MAGI2: variants seen among roughly 807,000 people sequenced by gnomAD.
MAGI2 encodes membrane-associated guanylate kinase, WW and PDZ domain-containing protein 2.
Under a neutral mutation model 133.3 loss-of-function variants are expected in MAGI2, and 35 were observed. The observed-to-expected ratio is 0.26, with a 90% CI of 0.20 to 0.35. The LOEUF is 0.35. Ranked by LOEUF, MAGI2 falls within the 10% of genes least tolerant of loss-of-function variation. The pLI, the probability that MAGI2 is intolerant of heterozygous loss-of-function variation, is 1.00. For synonymous variants in MAGI2, 729 were observed against 710.6 expected, an observed-to-expected ratio of 1.03 and a Z score of -0.41; for missense variants, 1,636 against 1,863.4, an observed-to-expected ratio of 0.88 and a Z score of 2.25.
chr7:78,667,345 A>G (rs1813714034), intron 2 of MAGI2, among the ~76,000 whole-genome samples: 1 of 144,740 alleles, frequency 6.9e-6, no homozygotes, highest in Non-Finnish European at 1.5e-5. Flanking sequence ...ATTGTAACCA[A>G]TTGGGTTTTT....
At chr7:79,161,114 A>T (rs1373068917) in intron 1 of MAGI2, among the ~76,000 whole-genome samples, 8 of 152,014 alleles carry the variant, frequency 5.3e-5, no homozygotes, top group Non-Finnish European at 1.0e-4. Flanking sequence ...AAGATATTTA[A>T]ACAAGCTTTA....
At chr7:78,470,886 C>T (rs906118144) in intron 6 of MAGI2, among the ~76,000 whole-genome samples, 10 of 152,130 alleles carry the variant, frequency 6.6e-5, no homozygotes, top group Non-Finnish European at 1.5e-5. Flanking sequence ...GTTAGCTTTA[C>T]TGTCAAGCTC....
chr7:79,048,141 T>G lies in MAGI2; in HGVS notation c.302-40935A>C, dbSNP rs188327124. Among the ~76,000 whole-genome samples the G allele has an allele frequency of 2.8e-4, 42 of 152,286 alleles. 2 individuals are homozygous for G. The East Asian group carries it at 7.5e-3, about 27-fold the overall frequency. On this transcript the variant is annotated intron_variant, in intron 1 of 21. Coordinates refer to ENST00000354212, the MANE Select transcript of MAGI2 (RefSeq NM_012301.4). ...TGTATTCTTAGCACTTCCATTGTGA[T>G]TTCATAAATCACTTGTGGGTTAATT...
intron 3 of MAGI2, among the ~76,000 whole-genome samples, chr7:78,598,046 A>G (rs750655859): frequency 3.3e-5 from 5 of 152,192 alleles, no homozygotes; most frequent in Non-Finnish European, 7.3e-5. Flanking sequence ...GGACTTAACT[A>G]TCTTCCTGGG....
chr7:79,254,608 G>A (rs1479255804), intron 1 of MAGI2, among the ~76,000 whole-genome samples: 11 of 152,112 alleles, frequency 7.2e-5, no homozygotes, highest in Admixed American at 6.6e-4. Context: ...ATTTTGTCCA[G>A]CCTATCCCAG....
intron 3 of MAGI2, among the ~76,000 whole-genome samples, chr7:78,582,864 T>C (rs1802988915): frequency 1.3e-5 from 2 of 152,178 alleles, no homozygotes; most frequent in Non-Finnish European, 2.9e-5. Flanking sequence ...AAGACCTATG[T>C]TTCCAAATAT....
intron 9 of MAGI2, among the ~76,000 whole-genome samples, chr7:78,310,172 C>T (rs1798578344): frequency 2.0e-5 from 3 of 152,060 alleles, no homozygotes; most frequent in Admixed American, 2.0e-4. Context: ...CGTGGTGGCT[C>T]ACAACTGTAA....
chr7:78,562,461 A>C (rs1031507411), intron 3 of MAGI2, among the ~76,000 whole-genome samples: 2 of 152,220 alleles, frequency 1.3e-5, no homozygotes, highest in African/African-American at 4.8e-5. Context: ...AACAGTAGGA[A>C]AGAATAATAA....
chr7:79,023,137 C>G (rs1809512314), intron 1 of MAGI2, among the ~76,000 whole-genome samples: 2 of 151,984 alleles, frequency 1.3e-5, no homozygotes, highest in Non-Finnish European at 2.9e-5. Flanking sequence ...GTGTATCCAC[C>G]ATGATCAAGT....
intron 6 of MAGI2, among the ~76,000 whole-genome samples, chr7:78,424,622 C>A (rs1479163614): frequency 1.3e-5 from 2 of 152,162 alleles, no homozygotes; most frequent in Non-Finnish European, 2.9e-5. Context: ...GGAGGCTGTA[C>A]CCTGCAAAGC....
intron 1 of MAGI2, among the ~76,000 whole-genome samples, chr7:79,126,870 T>G (rs1257370816): frequency 6.6e-6 from 1 of 152,068 alleles, no homozygotes; most frequent in Non-Finnish European, 1.5e-5. Flanking sequence ...TACATATGTA[T>G]ACATGTGCCA....
intron 1 of MAGI2, among the ~76,000 whole-genome samples, chr7:79,164,596 TC>T (rs543437974): frequency 8.3e-4 from 126 of 152,122 alleles, no homozygotes; most frequent in African/African-American, 2.9e-3. Flanking sequence ...GTCTCCACAG[TC>T]TTTTACCCTG....
intron 20 of MAGI2, among the ~76,000 whole-genome samples, chr7:78,120,700 C>T (rs1357697504): frequency 6.6e-6 from 1 of 152,068 alleles, no homozygotes; most frequent in East Asian, 1.9e-4. Flanking sequence ...AAGAAATACT[C>T]ATTAAATAAT....
At chr7:78,880,585 A>T (rs997526619) in intron 2 of MAGI2, among the ~76,000 whole-genome samples, 1 of 152,196 alleles carries the variant, frequency 6.6e-6, no homozygotes, top group Admixed American at 6.5e-5. Flanking sequence ...AATTCTAAAC[A>T]CGGAAACAAA....
chr7:78,476,533 A>T (rs1791767719), intron 6 of MAGI2, among the ~76,000 whole-genome samples: 1 of 152,138 alleles, frequency 6.6e-6, no homozygotes, highest in South Asian at 2.1e-4. Context: ...CAATCAACAC[A>T]ATTTCACATT....
chr7:78,895,377 T>C (rs2151580400), intron 2 of MAGI2, among the ~76,000 whole-genome samples: 1 of 152,330 alleles, frequency 6.6e-6, no homozygotes, highest in Admixed American at 6.5e-5. Flanking sequence ...TATTCCATTA[T>C]AGCGACAGAA....
intron 2 of MAGI2, among the ~76,000 whole-genome samples, chr7:78,670,061 G>A (rs1449801034): frequency 1.3e-5 from 2 of 151,742 alleles, no homozygotes; most frequent in South Asian, 4.1e-4. Flanking sequence ...AGTGTTGGAA[G>A]TTCTGGCCAG....
intron 3 of MAGI2, among the ~76,000 whole-genome samples, chr7:78,522,415 G>C (rs1563118872): frequency 6.6e-6 from 1 of 152,174 alleles, no homozygotes; most frequent in Non-Finnish European, 1.5e-5. Flanking sequence ...GTCTTGCTCT[G>C]TTGCCCAGGC....
intron 8 of MAGI2, chr7:78,345,564 A>G: frequency 4.8e-6 from 1 of 209,242 alleles, no homozygotes. Flanking sequence ...GTCCATGAGG[A>G]GCTGTCTACT....
Sources: allele counts gnomAD v4.1 joint callset (sites outside exome capture counted in the v4.1 genomes callset), GRCh38; gene constraint gnomAD v4.1.1; transcripts MANE v1.5; gene names NCBI Gene and HGNC (gene_info 2026-07-23, HGNC 2026-07-21).